POLR1B: variants seen among roughly 807,000 people sequenced by gnomAD.
POLR1B encodes RNA polymerase I subunit B, also known as DNA-directed RNA polymerase I subunit RPA2.
Under a neutral mutation model 105.8 loss-of-function variants are expected in POLR1B, and 30 were observed. The observed-to-expected ratio is 0.28, with a 90% CI of 0.21 to 0.38. The LOEUF is 0.38. Among genes scored for constraint, POLR1B ranks in the 10% least tolerant of loss-of-function variants. The pLI is 1.00. For missense variants in POLR1B, 976 were observed against 1,435.8 expected, an observed-to-expected ratio of 0.68 and a Z score of 5.17; for synonymous variants, 485 against 505.1, an observed-to-expected ratio of 0.96 and a Z score of 0.53.
In POLR1B at chr2:112,577,510, C is replaced by G. The variant is rs1215873706; in HGVS notation, c.*1781C>G. On this transcript the variant is annotated 3_prime_UTR_variant, in exon 15 of 15. Transcript: ENST00000263331. ...GCTGCAGTGAGCCAAGATTGTGCCA[C>G]TGCACTCCAGCCTGGGTGACAGAGC... Among the ~76,000 whole-genome samples the G allele has an allele frequency of 6.6e-6, 1 of 152,160 alleles. No homozygotes were observed. Among genetic ancestry groups the G allele is most frequent in the African/African-American group, 2.4e-5 (1 of 41,450 alleles).
At chr2:112,561,488 GT>G in intron 9 of POLR1B, among the ~76,000 whole-genome samples, 1 of 150,982 alleles carries the variant, frequency 6.6e-6, no homozygotes, top group East Asian at 1.9e-4. Context: ...CTTAATTTCA[GT>G]TGATTCTCAT....
intron 10 of POLR1B, among the ~76,000 whole-genome samples, chr2:112,566,113 C>T (rs1267732315): frequency 2.0e-5 from 3 of 152,108 alleles, no homozygotes; most frequent in Non-Finnish European, 2.9e-5. Flanking sequence ...CTTGGCCTCC[C>T]GAAGTGCTGG....
rs147894193 is a variant in POLR1B, at chr2:112,565,858, C to T, written c.1746+1359C>T. Among the ~76,000 whole-genome samples the T allele has an allele frequency of 4.3e-3, 658 of 152,238 alleles. 5 individuals are homozygous for T. The highest frequency in any genetic ancestry group is 0.015 in the African/African-American group (610 of 41,526). On this transcript the variant is annotated intron_variant, in intron 10 of 14. Coordinates refer to ENST00000263331, the MANE Select transcript of POLR1B (RefSeq NM_019014.6). ...GGAGGTTGAGGGTGGGGGTGAAAGT[C>T]CCAATCCTCTAATCCTGGCTTGGTC... is the stretch of plus-strand genomic sequence containing the variant.
At position 112,551,034 on chromosome 2, in the gene POLR1B, G is replaced by C. The variant is rs1683339213; in HGVS notation, c.762+32G>C. On this transcript the variant is annotated intron_variant, in intron 5 of 14. Coordinates refer to ENST00000263331, the MANE Select transcript of POLR1B (RefSeq NM_019014.6). ...CTTAATGAATGCATTCTTTTGTTATGAAGAAATTCACTGGGGGTAGTATCC... is the reference window on the plus strand; with the variant it reads ...CTTAATGAATGCATTCTTTTGTTATCAAGAAATTCACTGGGGGTAGTATCC... 1.9e-6 allele frequency: 3 copies of C among 1,598,488 alleles called. No homozygotes were observed. The South Asian group carries it at 3.3e-5, about 18-fold the overall frequency.
At chr2:112,542,108 A>C, upstream of POLR1B, 1 of 1,535,572 alleles carries the variant, frequency 6.5e-7, no homozygotes, top group Non-Finnish European at 8.7e-7. Flanking sequence ...AACAGAAGAG[A>C]GCCTGAGAAG....
intron 5 of POLR1B, among the ~76,000 whole-genome samples, 164 bp from the exon 6 acceptor site, chr2:112,551,611 A>C (rs769171135): frequency 2.6e-5 from 4 of 152,242 alleles, no homozygotes; most frequent in Non-Finnish European, 5.9e-5. Context: ...CTGTCTGGCT[A>C]TCATACAAAG....
At chr2:112,559,267 T>A (rs756848626) in intron 8 of POLR1B, 26 bp from the exon 9 acceptor site, 44 of 1,607,432 alleles carry the variant, frequency 2.7e-5, no homozygotes, top group Non-Finnish European at 2.6e-5. Flanking sequence ...ATTGGCCCAT[T>A]TTTGAATGAC....
chr2:112,558,562 C>T (rs1393768315), intron 8 of POLR1B, among the ~76,000 whole-genome samples: 1 of 150,972 alleles, frequency 6.6e-6, no homozygotes, highest in Non-Finnish European at 1.5e-5. Flanking sequence ...GACCCTGTCT[C>T]AACAAAAAAG....
chr2:112,575,788 A>G lies in POLR1B; in HGVS notation c.*59A>G, dbSNP rs1684834661. On this transcript the variant is annotated 3_prime_UTR_variant, in exon 15 of 15. Transcript: ENST00000263331. The surrounding 1 kb of genome is among the most constrained non-coding windows in gnomAD (Gnocchi z 5.3). ...CAGATTAAAGCAAAATGTAATTTTA[A>G]TTCAATGAAGATATCATTACCAGGT... The G allele has an allele frequency of 6.6e-7, 1 of 1,510,106 alleles. No homozygotes were observed. The highest frequency in any genetic ancestry group is 1.3e-5 in the South Asian group (1 of 79,836). 93.5% of individuals were successfully genotyped at this position (1,510,106 alleles called of 1,614,324 possible).
chr2:112,569,889 A>G (rs1425252401), intron 12 of POLR1B, among the ~76,000 whole-genome samples: 1 of 151,518 alleles, frequency 6.6e-6, no homozygotes, highest in Non-Finnish European at 1.5e-5. Context: ...GTTTAATTAA[A>G]TTGCTAAACT....
Position 112,568,989 on chromosome 2 carries a change from C to A in POLR1B, c.2074+87C>A, listed in dbSNP as rs149634838. 2,675 of 1,351,318 alleles carry A rather than the reference C, an allele frequency of 2.0e-3. 17 individuals are homozygous for A. The highest frequency in any genetic ancestry group is 1.5e-3 in the Non-Finnish European group (1,465 of 999,662). 83.7% of individuals were successfully genotyped at this position (1,351,318 alleles called of 1,614,324 possible). A position where few individuals can be genotyped will look rare whatever the true frequency, so the allele number is the denominator to read the frequency against. On this transcript the variant is annotated intron_variant, in intron 12 of 14. Transcript: ENST00000263331. ...CTTTTATTGTCCTTATTTACATATG[C>A]TGACCATTTGTTCCAAAAATACAGT...
At chr2:112,542,861 T>TGC in intron 1 of POLR1B, 190 bp downstream of exon 1, 4 of 666,976 alleles carry the variant, frequency 6.0e-6, no homozygotes, top group Non-Finnish European at 7.5e-6. Context: ...CGAGGCGTCT[T>TGC]AAGAGATGTA....
chr2:112,567,619 T>A (rs1033051998), intron 10 of POLR1B, among the ~76,000 whole-genome samples: 3 of 152,140 alleles, frequency 2.0e-5, no homozygotes, highest in Non-Finnish European at 4.4e-5. Context: ...GCTCAAGTGA[T>A]CCACCCACTT....
At chr2:112,566,010 C>T (rs1684254342) in intron 10 of POLR1B, among the ~76,000 whole-genome samples, 1 of 152,072 alleles carries the variant, frequency 6.6e-6, no homozygotes, top group African/African-American at 2.4e-5. Context: ...AGGTGTGTAC[C>T]ACCACGCCCG....
upstream of POLR1B, chr2:112,542,439 AGAGACTGGCGTCCGGCGTGTACCG>A: frequency 1.5e-6 from 2 of 1,328,614 alleles, no homozygotes; most frequent in Non-Finnish European, 1.0e-6. Context: ...GCGTGTACCG[AGAGACTGGCGTCCGGCGTGTACCG>A]AGAGACTGGC....
chr2:112,542,129 T>C (rs1394118230), upstream of POLR1B: 8 of 1,535,572 alleles, frequency 5.2e-6, no homozygotes, highest in Non-Finnish European at 6.1e-6. Flanking sequence ...ACCGCTCTCC[T>C]CCGATCCTAA....
At chr2:112,551,469 A>G (rs1337551587) in intron 5 of POLR1B, among the ~76,000 whole-genome samples, 12 of 152,162 alleles carry the variant, frequency 7.9e-5, no homozygotes, top group African/African-American at 2.9e-4. Flanking sequence ...GCCCTTTGTG[A>G]TCTAGCCCTG....
At chr2:112,542,435 A>G, upstream of POLR1B, 1 of 1,330,012 alleles carries the variant, frequency 7.5e-7, no homozygotes, top group South Asian at 1.4e-5. Context: ...TCCGGCGTGT[A>G]CCGAGAGACT....
chr2:112,542,829 T>G, intron 1 of POLR1B, 158 bp downstream of exon 1: 42 of 868,202 alleles, frequency 4.8e-5, no homozygotes, highest in Middle Eastern at 3.6e-4. Flanking sequence ...GACGCGGTAC[T>G]GGCCTTCGTG....
Sources: gnomAD v4.1 joint callset for allele counts (sites outside exome capture counted in the v4.1 genomes callset) on GRCh38, gnomAD v4.1.1 for gene constraint, Gnocchi (gnomAD v3.1) non-coding constraint, MANE v1.5 for transcripts, NCBI Gene and HGNC (gene_info 2026-07-23, HGNC 2026-07-21) for gene names.